PTPRD: variants seen among roughly 807,000 people sequenced by gnomAD.
The protein encoded by PTPRD is protein tyrosine phosphatase receptor type D.
In PTPRD, 34 loss-of-function variants were observed where a neutral mutation model predicts 214.5. The observed-to-expected ratio is 0.16, with a 90% CI of 0.12 to 0.21. The LOEUF (loss-of-function observed/expected upper bound fraction) is 0.21. Among genes scored for constraint, PTPRD ranks in the 10% least tolerant of loss-of-function variants. The pLI is 1.00. For missense variants in PTPRD, 2,545 were observed against 2,398.7 expected (o/e 1.06, Z -1.27); for synonymous variants, 1,128 against 845.7 (o/e 1.33, Z -5.79).
At chr9:8,669,691 G>C (rs2097241363) in intron 12 of PTPRD, among the ~76,000 whole-genome samples, 1 of 152,166 alleles carries the variant, frequency 6.6e-6, no homozygotes. Flanking sequence ...TAAGAGTAGA[G>C]AAATAGGTTT....
intron 7 of PTPRD, among the ~76,000 whole-genome samples, chr9:9,681,173 A>C (rs758681515): frequency 1.3e-5 from 2 of 151,852 alleles, no homozygotes. Flanking sequence ...CCTTCTTATA[A>C]ATAATGTAAT....
chr9:9,725,800 G>A (rs1181005403), intron 7 of PTPRD, among the ~76,000 whole-genome samples: 2 of 152,094 alleles, frequency 1.3e-5, no homozygotes, highest in Admixed American at 1.3e-4. Context: ...GGGAACTGTA[G>A]GACATTTTTT....
chr9:9,484,683 T>C (rs1474189560), intron 8 of PTPRD, among the ~76,000 whole-genome samples: 1 of 152,132 alleles, frequency 6.6e-6, no homozygotes, highest in Non-Finnish European at 1.5e-5. Context: ...GGCCCATTTT[T>C]AGATGAAAAC....
At chr9:8,728,299 ATACT>A (rs1484931620) in intron 12 of PTPRD, among the ~76,000 whole-genome samples, 2 of 152,250 alleles carry the variant, frequency 1.3e-5, no homozygotes, top group African/African-American at 4.8e-5. Context: ...CTTTTAAAGG[ATACT>A]TAAATGATAG....
chr9:10,551,626 T>C (rs2061384938), intron 2 of PTPRD, among the ~76,000 whole-genome samples: 1 of 152,158 alleles, frequency 6.6e-6, no homozygotes, highest in Non-Finnish European at 1.5e-5. Flanking sequence ...AATCTGCCAG[T>C]ACCTTGATTT....
intron 3 of PTPRD, among the ~76,000 whole-genome samples, chr9:10,282,434 A>T (rs928804062): frequency 1.3e-5 from 2 of 152,200 alleles, no homozygotes; most frequent in Non-Finnish European, 2.9e-5. Context: ...ATAAGCCTTC[A>T]GTCTTCTAAT....
intron 10 of PTPRD, among the ~76,000 whole-genome samples, chr9:9,075,558 C>G (rs1341604367): frequency 6.6e-6 from 1 of 152,066 alleles, no homozygotes; most frequent in Non-Finnish European, 1.5e-5. Context: ...CTATCCCTCC[C>G]CCATCCCCCA....
chr9:8,874,196 G>A (rs2098351060), intron 11 of PTPRD, among the ~76,000 whole-genome samples: 1 of 152,118 alleles, frequency 6.6e-6, no homozygotes, highest in Non-Finnish European at 1.5e-5. Context: ...TGAAACTGAT[G>A]GCCCATGGTT....
intron 10 of PTPRD, among the ~76,000 whole-genome samples, chr9:9,101,824 T>G (rs1356909318): frequency 6.6e-6 from 1 of 152,236 alleles, no homozygotes; most frequent in Non-Finnish European, 1.5e-5. Flanking sequence ...TCCTTAATCA[T>G]ACATATAGAA....
chr9:10,151,944 T>G (rs542745233), intron 3 of PTPRD, among the ~76,000 whole-genome samples: 1 of 152,354 alleles, frequency 6.6e-6, no homozygotes, highest in African/African-American at 2.4e-5. Flanking sequence ...AGTCATGAAC[T>G]GAAGGATATT....
chr9:9,270,078 G>A (rs1051644053), intron 9 of PTPRD, among the ~76,000 whole-genome samples: 50 of 150,972 alleles, frequency 3.3e-4, no homozygotes, highest in Non-Finnish European at 4.9e-4. Context: ...TAGATCTGAT[G>A]TATTCTCACC....
chr9:9,432,858 G>A (rs1477102429), intron 8 of PTPRD, among the ~76,000 whole-genome samples: 3 of 152,138 alleles, frequency 2.0e-5, no homozygotes, highest in Non-Finnish European at 2.9e-5. Context: ...AGCCAACACT[G>A]AGGAGAAAAA....
intron 2 of PTPRD, among the ~76,000 whole-genome samples, chr9:10,495,283 A>G (rs1408580923): frequency 1.3e-5 from 2 of 151,768 alleles, no homozygotes; most frequent in Middle Eastern, 3.2e-3. Context: ...TCTTTTCCAC[A>G]AAGTCAAGTC....
chr9:9,635,746 C>T (rs113344376), intron 7 of PTPRD, among the ~76,000 whole-genome samples: 6 of 152,262 alleles, frequency 3.9e-5, no homozygotes, highest in South Asian at 2.1e-4. Context: ...TTGTCAACAC[C>T]ACCTACTTCC....
chr9:9,691,420 C>T (rs556466733), intron 7 of PTPRD, among the ~76,000 whole-genome samples: 55 of 152,140 alleles, frequency 3.6e-4, no homozygotes, highest in Middle Eastern at 6.8e-3. Flanking sequence ...TTTCACTTAA[C>T]ATGATGACCT....
chr9:9,092,394 A>G (rs1362346576), intron 10 of PTPRD, among the ~76,000 whole-genome samples: 1 of 152,142 alleles, frequency 6.6e-6, no homozygotes, highest in Non-Finnish European at 1.5e-5. Flanking sequence ...TATAAATATC[A>G]CATGCAGTAA....
chr9:10,588,792 C>G (rs1362115052), intron 2 of PTPRD, among the ~76,000 whole-genome samples: 2 of 151,940 alleles, frequency 1.3e-5, no homozygotes, highest in Non-Finnish European at 2.9e-5. Flanking sequence ...GCAAAAGTCT[C>G]TCTGGCCCCC....
At chr9:9,491,552 G>T (rs1291232927) in intron 8 of PTPRD, among the ~76,000 whole-genome samples, 5 of 151,922 alleles carry the variant, frequency 3.3e-5, no homozygotes, top group African/African-American at 9.7e-5. Context: ...TGCTAATTAA[G>T]TCTCAATAGG....
chr9:10,425,077 G>C (rs2098599910), intron 2 of PTPRD, among the ~76,000 whole-genome samples: 2 of 151,810 alleles, frequency 1.3e-5, no homozygotes, highest in African/African-American at 4.8e-5. Context: ...ATATATTTCA[G>C]AACAATATAA....
Sources: gnomAD v4.1 joint callset for allele counts (sites outside exome capture counted in the v4.1 genomes callset) on GRCh38, gnomAD v4.1.1 for gene constraint, MANE v1.5 for transcripts, NCBI Gene and HGNC (gene_info 2026-07-23, HGNC 2026-07-21) for gene names.